Variants in EPG5 observed in about 807,000 individuals in gnomAD.
EPG5 encodes ectopic P granules protein 5 homolog.
EPG5 carries 159 observed loss-of-function variants against 302.7 expected under a neutral mutation model. That is an observed-to-expected ratio of 0.53 (90% CI 0.46 to 0.60). The LOEUF is 0.60. Among genes scored for constraint, EPG5 ranks in the 20% least tolerant of loss-of-function variants. EPG5 has a pLI of 0.00. For synonymous variants in EPG5, 1,158 were observed against 1,136.8 expected, an observed-to-expected ratio of 1.02 and a Z score of -0.37; for missense variants, 2,896 against 3,092.4, an observed-to-expected ratio of 0.94 and a Z score of 1.51.
chr18:45,862,539 T>C (rs2048657654), intron 39 of EPG5, among the ~76,000 whole-genome samples: 1 of 152,164 alleles, frequency 6.6e-6, no homozygotes, highest in Non-Finnish European at 1.5e-5. Context: ...TTTAGCACCA[T>C]CCTCTTGGTG....
At chr18:45,840,664 T>TA in the EPG5 span, among the ~76,000 whole-genome samples, 1 of 152,234 alleles carries the variant, frequency 6.6e-6, no homozygotes, top group Non-Finnish European at 1.5e-5. Flanking sequence ...TCCTGGGTCA[T>TA]ACTCTCCTCT....
At chr18:45,899,665 C>A in intron 26 of EPG5, 99 bp from the exon 27 acceptor site, 1 of 1,220,494 alleles carries the variant, frequency 8.2e-7, no homozygotes. Context: ...TATAGTGCAG[C>A]AAAAGACACA....
At chr18:45,839,806 C>T in the EPG5 span, among the ~76,000 whole-genome samples, 4 of 152,210 alleles carry the variant, frequency 2.6e-5, no homozygotes, top group South Asian at 6.2e-4. Flanking sequence ...CAGAAATCTG[C>T]CCTGTGCCCC....
Position 45,928,806 on chromosome 18 carries a change from T to C in EPG5, c.2553+63A>G. Reference sequence around the variant, plus strand: ...ATCATTCCCAAGAACCTTCCTATTTTTGCCAATGTTCCATTACTCCAAGAT... The same window carrying C: ...ATCATTCCCAAGAACCTTCCTATTTCTGCCAATGTTCCATTACTCCAAGAT... On this transcript the variant is annotated intron_variant, in intron 13 of 43. Coordinates refer to ENST00000282041, the MANE Select transcript of EPG5 (RefSeq NM_020964.3). The C allele has an allele frequency of 2.0e-6, 3 of 1,502,608 alleles. No homozygotes were observed. The Admixed American group carries it at 5.5e-5, about 28-fold the overall frequency. 93.1% of individuals were successfully genotyped at this position (1,502,608 alleles called of 1,614,324 possible).
downstream of EPG5, chr18:45,842,691 T>G (rs2048335784): frequency 6.3e-6 from 1 of 158,524 alleles, no homozygotes; most frequent in African/African-American, 2.4e-5. Context: ...CCCTCCTGGC[T>G]GGGAGGACTA....
chr18:45,842,412 T>A, the EPG5 span: 1 of 575,398 alleles, frequency 1.7e-6, no homozygotes, highest in African/African-American at 1.9e-5. Flanking sequence ...ATTTCGTAAA[T>A]GTGCATACGT....
the EPG5 span, among the ~76,000 whole-genome samples, chr18:45,809,181 C>A: frequency 1.3e-5 from 2 of 152,090 alleles, no homozygotes; most frequent in Admixed American, 6.5e-5. Flanking sequence ...ATATCACAAT[C>A]CTAAATATAT....
downstream of EPG5, among the ~76,000 whole-genome samples, chr18:45,846,162 C>A (rs1225291925): frequency 6.6e-6 from 1 of 152,118 alleles, no homozygotes; most frequent in Non-Finnish European, 1.5e-5. Context: ...CCACTAAAGT[C>A]CAGTCCCACC....
chr18:45,896,929 T>C (rs1348950425), intron 27 of EPG5, among the ~76,000 whole-genome samples: 2 of 152,224 alleles, frequency 1.3e-5, no homozygotes, highest in Non-Finnish European at 2.9e-5. Context: ...TCAGTCCTTA[T>C]CATAAATCAT....
the EPG5 span, among the ~76,000 whole-genome samples, chr18:45,822,443 T>C: frequency 1.7e-4 from 26 of 152,198 alleles, no homozygotes; most frequent in Middle Eastern, 3.4e-3. Context: ...TACAAAATTA[T>C]AACTAGATAG....
the EPG5 span, among the ~76,000 whole-genome samples, chr18:45,805,356 GA>G: frequency 5.3e-5 from 8 of 150,550 alleles, no homozygotes; most frequent in African/African-American, 1.5e-4. Context: ...AGGTATACAG[GA>G]ACTCTCTGTA....
At chr18:45,941,791 A>G (rs2050672380) in intron 9 of EPG5, among the ~76,000 whole-genome samples, 1 of 152,238 alleles carries the variant, frequency 6.6e-6, no homozygotes, top group Non-Finnish European at 1.5e-5. Context: ...TCAGAAAAAG[A>G]ACGTCTGGAT....
At chr18:45,881,801 T>C (rs1369500198) in intron 31 of EPG5, among the ~76,000 whole-genome samples, 1 of 152,216 alleles carries the variant, frequency 6.6e-6, no homozygotes, top group African/African-American at 2.4e-5. Context: ...TATCATTACA[T>C]ATGGATAAAA....
At chr18:45,928,311 G>A (rs187165892) in intron 13 of EPG5, among the ~76,000 whole-genome samples, 24 of 152,186 alleles carry the variant, frequency 1.6e-4, no homozygotes, top group Non-Finnish European at 2.6e-4. Context: ...TCTGTGAATA[G>A]ACTAAAAACC....
At chr18:45,871,308 G>C (rs1036118514) in intron 35 of EPG5, among the ~76,000 whole-genome samples, 26 of 152,186 alleles carry the variant, frequency 1.7e-4, no homozygotes, top group African/African-American at 5.8e-4. Flanking sequence ...TGGAGAGAAA[G>C]AAACTCTTAA....
At chr18:45,928,023 G>A (rs894741767) in intron 13 of EPG5, among the ~76,000 whole-genome samples, 23 of 152,098 alleles carry the variant, frequency 1.5e-4, no homozygotes, top group African/African-American at 5.5e-4. Context: ...GTGAAACCTC[G>A]TCTCTATTAA....
In EPG5 at chr18:45,951,110, G is replaced by A. The variant is rs1568183567; in HGVS notation, c.1381C>T (p.Gln461Ter). ...QFHDDILLWL[Q>*]KLVSVLQRVG... ...TATCTCTGTCCCCTTACCAATTTCT[G>A]CAGCCAGAGAAGAATATCATCATGA... Residue 461 changes from glutamine (Q) to a stop codon, truncating the protein, a stop_gained, in exon 4 of 44, where the codon CAG (glutamine) becomes TAG (stop). Transcript: ENST00000282041. LOFTEE classifies it high-confidence loss of function. 6.4e-7 allele frequency: 1 copy of A among 1,568,390 alleles called. No individual in the cohort carries two copies. Among genetic ancestry groups the A allele is most frequent in the Non-Finnish European group, 8.6e-7 (1 of 1,160,522 alleles).
chr18:45,866,978 C>G lies in EPG5; in HGVS notation c.6441G>C (p.Gln2147His). ...CAAGATGCCATGAAAGTGAGCTTGT[C>G]TGTCCAAGGAGACTAAGTAAAGGTG... Reference protein sequence around the residue: ...TDSPLLSLLGQTSSLSWHLVD... With the variant: ...TDSPLLSLLGHTSSLSWHLVD... The change falls in exon 38 of 44, where the codon CAG becomes CAC. Residue 2147 changes from glutamine to histidine, a missense_variant. Transcript: ENST00000282041. 6.2e-7 allele frequency: 1 copy of G among 1,614,136 alleles called. No homozygotes were observed. The highest frequency in any genetic ancestry group is 8.5e-7 in the Non-Finnish European group (1 of 1,179,966).
At position 45,887,785 on chromosome 18, in the gene EPG5, T is replaced by A. The variant is rs754304137; in HGVS notation, c.5075A>T (p.Gln1692Leu). ...GATCTCAATACATGAAGTAAAGAACTGCCTTGTTGGGGGATGACGCTGCGT... is the reference window on the plus strand; with the variant it reads ...GATCTCAATACATGAAGTAAAGAACAGCCTTGTTGGGGGATGACGCTGCGT... ...DETQRHPPTR[Q>L]FFTSCIEILG... The change falls in exon 29 of 44, where the codon CAG becomes CTG. Residue 1692 changes from glutamine to leucine, a missense_variant. Gln to Leu is a moderately radical substitution (Grantham distance 113). Transcript: ENST00000282041. 1.9e-6 allele frequency: 3 copies of A among 1,592,618 alleles called. No homozygotes were observed. Among genetic ancestry groups the A allele is most frequent in the South Asian group, 1.1e-5 (1 of 89,268 alleles).
Sources: allele counts gnomAD v4.1 joint callset (sites outside exome capture counted in the v4.1 genomes callset), GRCh38; gene constraint gnomAD v4.1.1; transcripts MANE v1.5; gene names NCBI Gene and HGNC (gene_info 2026-07-23, HGNC 2026-07-21).